VPS26C: variants seen among roughly 807,000 people sequenced by gnomAD.
VPS26C encodes the protein vacuolar protein sorting-associated protein 26C.
In VPS26C, 19 loss-of-function variants were observed where a neutral mutation model predicts 30.6. The observed-to-expected ratio is 0.62, with a 90% CI of 0.43 to 0.91. The LOEUF (loss-of-function observed/expected upper bound fraction) is 0.91, where lower values mean the gene tolerates loss of function less well. VPS26C is among the 40% of genes least tolerant of loss of function. The pLI is 0.00. For missense variants in VPS26C, 318 were observed against 385.1 expected, an observed-to-expected ratio of 0.83 and a Z score of 1.46; for synonymous variants, 132 against 151.5, an observed-to-expected ratio of 0.87 and a Z score of 0.95.
intron 3 of VPS26C, among the ~76,000 whole-genome samples, chr21:37,235,876 TATA>T (rs537054811): frequency 0.11 from 2,006 of 17,834 alleles, 33 homozygotes; most frequent in African/African-American, 0.25. Flanking sequence ...TATATATATA[TATA>T]TTTTTTTTTT....
chr21:37,238,757 G>T, intron 2 of VPS26C, 148 bp from the exon 3 acceptor site: 1 of 832,220 alleles, frequency 1.2e-6, no homozygotes, highest in Non-Finnish European at 1.9e-6. Context: ...GTCTGGAGAT[G>T]AACAGTGACT....
chr21:37,235,875 A>T (rs1229503204), intron 3 of VPS26C, among the ~76,000 whole-genome samples: 1,221 of 15,042 alleles, frequency 0.081, 16 homozygotes, highest in South Asian at 0.17. Context: ...ATATATATAT[A>T]TATATTTTTT....
At chr21:37,243,658 A>T (rs896416737) in intron 1 of VPS26C, among the ~76,000 whole-genome samples, 1 of 152,194 alleles carries the variant, frequency 6.6e-6, no homozygotes, top group Non-Finnish European at 1.5e-5. Context: ...GGTTGTGCTC[A>T]TCTCTCGAAA....
chr21:37,247,622 T>G lies in VPS26C; in HGVS notation c.58-6983A>C, dbSNP rs567900507. Among the ~76,000 whole-genome samples, 4 of 152,256 alleles carry G rather than the reference T, an allele frequency of 2.6e-5. No individual in the cohort carries two copies. The South Asian group carries it at 6.2e-4, about 24-fold the overall frequency. On this transcript the variant is annotated intron_variant, in intron 1 of 7. Transcript: ENST00000309117. ...GCCAAACGTATGTCATATTAACAAA[T>G]GAGCCAAATTAATGCCTATTCAAAA...
intron 1 of VPS26C, among the ~76,000 whole-genome samples, chr21:37,264,418 T>C (rs992305212): frequency 6.6e-6 from 1 of 152,240 alleles, no homozygotes; most frequent in Non-Finnish European, 1.5e-5. Flanking sequence ...GTATGACTTC[T>C]GCTGGGGCAA....
intron 6 of VPS26C, 49 bp from the exon 7 acceptor site, chr21:37,227,855 G>T: frequency 6.9e-7 from 1 of 1,451,358 alleles, no homozygotes. Context: ...AGAGGCTGCG[G>T]GGTCCACATC....
chr21:37,252,325 C>T (rs2148301963), intron 1 of VPS26C, among the ~76,000 whole-genome samples: 1 of 152,248 alleles, frequency 6.6e-6, no homozygotes, highest in South Asian at 2.1e-4. Context: ...TGTTAGGTAT[C>T]CCCATCTCCA....
intron 3 of VPS26C, among the ~76,000 whole-genome samples, chr21:37,236,773 T>C (rs1329657850): frequency 6.6e-6 from 1 of 152,172 alleles, no homozygotes. Context: ...GAATTCCAAA[T>C]TGTAGTACTC....
Position 37,258,834 on chromosome 21 carries a change from C to T in VPS26C, c.57+8404G>A, listed in dbSNP as rs555422724. On this transcript the variant is annotated intron_variant, in intron 1 of 7. Transcript: ENST00000309117. The stretch of plus-strand genomic sequence containing the variant: ...TCAAGCAGGCTTTACCATGCTCAGG[C>T]GCAGGCTGGTACAAGATTTGCAGCA... Among the ~76,000 whole-genome samples, 87 of 152,254 alleles carry T rather than the reference C, an allele frequency of 5.7e-4. 1 individual carries two copies. The highest frequency in any genetic ancestry group is 3.8e-4 in the Non-Finnish European group (26 of 68,022).
At chr21:37,267,018 G>C in intron 1 of VPS26C, 1 of 575,010 alleles carries the variant, frequency 1.7e-6, no homozygotes, top group South Asian at 2.1e-5. Context: ...ATGCGGCGGC[G>C]GCGCCTGCCC....
chr21:37,259,288 C>CT (rs75704567), intron 1 of VPS26C, among the ~76,000 whole-genome samples: 2,426 of 150,594 alleles, frequency 0.016, 43 homozygotes, highest in African/African-American at 0.044. Flanking sequence ...AGGGTTTCTC[C>CT]TTTTTTTTTC....
rs964679633 is a variant in VPS26C, at chr21:37,235,478, C to G, written c.352-2036G>C. ...AGATTCCTATAAAAGGAATTTTTAA[C>G]TTTGAAAAGGGATGACTAGGATCTC... On this transcript the variant is annotated intron_variant, in intron 3 of 7. Coordinates refer to ENST00000309117, the MANE Select transcript of VPS26C (RefSeq NM_006052.2). 3.3e-5 allele frequency among the ~76,000 whole-genome samples: 5 copies of G among 152,152 alleles called. No homozygotes were observed. The East Asian group carries it at 9.6e-4, about 29-fold the overall frequency.
In VPS26C at chr21:37,233,495, T is replaced by A; in HGVS notation, c.352-53A>T. On this transcript the variant is annotated intron_variant, in intron 3 of 7. Coordinates refer to ENST00000309117, the MANE Select transcript of VPS26C (RefSeq NM_006052.2). This position sits in a 1 kb window ranked among gnomAD's most constrained non-coding sequence, Gnocchi z 5.2. ...TTCATTTTAGTGGGATTTGCTTTCATCTTGGAATTATATTCAAAGAGACAA... is the reference window on the plus strand; with the variant it reads ...TTCATTTTAGTGGGATTTGCTTTCAACTTGGAATTATATTCAAAGAGACAA... The A allele has an allele frequency of 7.6e-7, 1 of 1,314,764 alleles. No homozygotes were observed. The highest frequency in any genetic ancestry group is 1.1e-6 in the Non-Finnish European group (1 of 908,302). 81.4% of individuals were successfully genotyped at this position (1,314,764 alleles called of 1,614,324 possible).
chr21:37,248,532 T>C (rs978996274), intron 1 of VPS26C, among the ~76,000 whole-genome samples: 1 of 151,858 alleles, frequency 6.6e-6, no homozygotes, highest in African/African-American at 2.4e-5. Context: ...TCTGGGAAAA[T>C]ATAATTTATC....
At chr21:37,247,074 GC>G (rs1200229435) in intron 1 of VPS26C, among the ~76,000 whole-genome samples, 1 of 152,164 alleles carries the variant, frequency 6.6e-6, no homozygotes, top group Non-Finnish European at 1.5e-5. Context: ...CAGTATGGTA[GC>G]TGTAAGCCAT....
At chr21:37,238,046 G>A (rs1156701467) in intron 3 of VPS26C, among the ~76,000 whole-genome samples, 4 of 152,230 alleles carry the variant, frequency 2.6e-5, no homozygotes, top group Non-Finnish European at 5.9e-5. Context: ...GGTTTGTTCA[G>A]TAAAGAACAC....
At chr21:37,264,799 A>G (rs1405946795) in intron 1 of VPS26C, among the ~76,000 whole-genome samples, 1 of 152,238 alleles carries the variant, frequency 6.6e-6, no homozygotes, top group Non-Finnish European at 1.5e-5. Context: ...TATATATCCA[A>G]GAGAAATGAA....
At chr21:37,252,645 T>C (rs747493916) in intron 1 of VPS26C, among the ~76,000 whole-genome samples, 1 of 152,216 alleles carries the variant, frequency 6.6e-6, no homozygotes, top group Non-Finnish European at 1.5e-5. Flanking sequence ...CATGCCCAAG[T>C]GCTTCTGGGA....
intron 1 of VPS26C, among the ~76,000 whole-genome samples, chr21:37,254,794 ACT>A: frequency 6.6e-6 from 1 of 151,660 alleles, no homozygotes; most frequent in Middle Eastern, 3.4e-3. Context: ...CAAGAGCAAA[ACT>A]CTGTCTAGAA....
Sources: gnomAD v4.1 joint callset for allele counts (sites outside exome capture counted in the v4.1 genomes callset) on GRCh38, gnomAD v4.1.1 for gene constraint, Gnocchi (gnomAD v3.1) non-coding constraint, MANE v1.5 for transcripts, NCBI Gene and HGNC (gene_info 2026-07-23, HGNC 2026-07-21) for gene names.